MAGI2: variants seen among roughly 807,000 people sequenced by gnomAD.
The protein encoded by MAGI2 is membrane-associated guanylate kinase, WW and PDZ domain-containing protein 2.
Under a neutral mutation model 133.3 loss-of-function variants are expected in MAGI2, and 35 were observed. That is an observed-to-expected ratio of 0.26 (90% CI 0.20 to 0.35). The LOEUF (loss-of-function observed/expected upper bound fraction) is 0.35, where lower values mean the gene tolerates loss of function less well. Ranked by LOEUF, MAGI2 falls within the 10% of genes least tolerant of loss-of-function variation. The probability of loss-of-function intolerance (pLI) is 1.00; values close to 1 mark genes in which losing one functional copy is unlikely to be tolerated. For synonymous variants in MAGI2, 729 were observed against 710.6 expected (o/e 1.03, Z -0.41); for missense variants, 1,636 against 1,863.4 (o/e 0.88, Z 2.25).
chr7:78,368,640 C>T (rs935637145), intron 7 of MAGI2, among the ~76,000 whole-genome samples: 1 of 151,734 alleles, frequency 6.6e-6, no homozygotes, highest in African/African-American at 2.4e-5. Context: ...TAATTCATAC[C>T]ATGACAAATT....
intron 1 of MAGI2, among the ~76,000 whole-genome samples, chr7:79,318,749 G>A (rs906185416): frequency 6.6e-6 from 1 of 152,040 alleles, no homozygotes; most frequent in Non-Finnish European, 1.5e-5. Context: ...TTTCTCACAC[G>A]ACGTTGAAAA....
chr7:78,741,714 A>G (rs896169262), intron 2 of MAGI2, among the ~76,000 whole-genome samples: 1 of 152,090 alleles, frequency 6.6e-6, no homozygotes, highest in African/African-American at 2.4e-5. Context: ...TGCCTTATTT[A>G]TATCAACTGT....
intron 1 of MAGI2, among the ~76,000 whole-genome samples, chr7:79,014,729 A>G (rs1808516015): frequency 6.6e-6 from 1 of 152,126 alleles, no homozygotes; most frequent in Non-Finnish European, 1.5e-5. Flanking sequence ...AGGTTAATAA[A>G]CCTCATAGGT....
intron 6 of MAGI2, among the ~76,000 whole-genome samples, chr7:78,467,343 C>T (rs1284749191): frequency 6.6e-6 from 1 of 152,030 alleles, no homozygotes; most frequent in East Asian, 1.9e-4. Context: ...GCATGGCTGT[C>T]CCTGGTGAAA....
chr7:79,353,362 G>T, intron 1 of MAGI2: 5 of 433,074 alleles, frequency 1.2e-5, no homozygotes, highest in Admixed American at 2.4e-5. Context: ...AGTCATGGAG[G>T]AAGCCTTGCT....
chr7:78,344,571 CTT>C (rs1790708970), intron 8 of MAGI2, among the ~76,000 whole-genome samples: 1 of 152,084 alleles, frequency 6.6e-6, no homozygotes, highest in Non-Finnish European at 1.5e-5. Flanking sequence ...GTGGAACTGA[CTT>C]TTGTTTACAC....
At chr7:79,142,701 TC>T (rs1337153038) in intron 1 of MAGI2, among the ~76,000 whole-genome samples, 2 of 151,904 alleles carry the variant, frequency 1.3e-5, no homozygotes, top group Admixed American at 1.3e-4. Flanking sequence ...ACCTGAAGAG[TC>T]TGTTATTTTA....
rs113306362 is a variant in MAGI2, at chr7:78,289,074, C to G, written c.1409-32493G>C. Among the ~76,000 whole-genome samples, 517 of 152,246 alleles carry G rather than the reference C, an allele frequency of 3.4e-3. 5 individuals carry two copies. The highest frequency in any genetic ancestry group is 0.012 in the African/African-American group (490 of 41,540). On this transcript the variant is annotated intron_variant, in intron 9 of 21. Coordinates refer to ENST00000354212, the MANE Select transcript of MAGI2 (RefSeq NM_012301.4). ...CCTCCAAAGGAACGCAGCTCCTCAC[C>G]AGCAAAGGAACAAAGTTGGATGGAG...
chr7:78,180,515 G>C (rs1827089137), intron 13 of MAGI2, among the ~76,000 whole-genome samples: 2 of 152,132 alleles, frequency 1.3e-5, no homozygotes, highest in South Asian at 2.1e-4. Flanking sequence ...TTCTTTTTAG[G>C]AGAAAAATCT....
intron 6 of MAGI2, among the ~76,000 whole-genome samples, chr7:78,476,355 TA>T (rs1401671892): frequency 6.6e-6 from 1 of 151,844 alleles, no homozygotes; most frequent in African/African-American, 2.4e-5. Flanking sequence ...GAATATAAAT[TA>T]GAAAAAGTTG....
chr7:78,819,070 T>G (rs1316273257), intron 2 of MAGI2, among the ~76,000 whole-genome samples: 2 of 152,158 alleles, frequency 1.3e-5, no homozygotes, highest in Admixed American at 1.3e-4. Context: ...AAAAGTGTGG[T>G]GAAAAATTCA....
chr7:78,829,528 C>T lies in MAGI2; in HGVS notation c.418+177562G>A, dbSNP rs937812956. On this transcript the variant is annotated intron_variant, in intron 2 of 21. Coordinates refer to ENST00000354212, the MANE Select transcript of MAGI2 (RefSeq NM_012301.4). ...ATTCCATAAACTATTGATTATTCATCAATTTATATATGTATACTAAATGAT... is the reference window on the plus strand; with the variant it reads ...ATTCCATAAACTATTGATTATTCATTAATTTATATATGTATACTAAATGAT... 3.5e-4 allele frequency among the ~76,000 whole-genome samples: 53 copies of T among 152,058 alleles called. No individual in the cohort carries two copies. In the Middle Eastern group the frequency reaches 0.014, roughly 39 times the overall value.
At chr7:79,267,381 AC>A (rs1834551942) in intron 1 of MAGI2, among the ~76,000 whole-genome samples, 1 of 152,214 alleles carries the variant, frequency 6.6e-6, no homozygotes, top group South Asian at 2.1e-4. Flanking sequence ...GGCCTCTCTG[AC>A]CCAGCCTCTT....
chr7:79,173,915 T>C lies in MAGI2; in HGVS notation c.302-166709A>G, dbSNP rs115000439. 9.5e-3 allele frequency among the ~76,000 whole-genome samples: 1,441 copies of C among 152,144 alleles called. 20 individuals carry two copies. The highest frequency in any genetic ancestry group is 0.033 in the African/African-American group (1,378 of 41,514). On this transcript the variant is annotated intron_variant, in intron 1 of 21. Transcript: ENST00000354212. ...GATCACCAGAGAAGAATTCAGTGTG[T>C]CATATTTTCCAGAAAGAACCATTAA...
At chr7:78,815,666 C>A (rs563346315) in intron 2 of MAGI2, among the ~76,000 whole-genome samples, 4 of 152,084 alleles carry the variant, frequency 2.6e-5, no homozygotes, top group African/African-American at 4.8e-5. Flanking sequence ...ATATTTGTCA[C>A]GGTGATCTGT....
chr7:78,914,016 C>T (rs1798606090), intron 2 of MAGI2, among the ~76,000 whole-genome samples: 1 of 152,064 alleles, frequency 6.6e-6, no homozygotes, highest in Admixed American at 6.6e-5. Flanking sequence ...ATCACTTATT[C>T]CAAGTATATT....
intron 2 of MAGI2, among the ~76,000 whole-genome samples, chr7:78,934,625 G>A (rs142797199): frequency 1.6e-4 from 25 of 152,078 alleles, no homozygotes; most frequent in Non-Finnish European, 3.1e-4. Flanking sequence ...TAAAAATATC[G>A]TATAAAATTA....
chr7:78,109,278 T>A (rs1029938927), intron 20 of MAGI2, among the ~76,000 whole-genome samples: 1 of 104,340 alleles, frequency 9.6e-6, no homozygotes, highest in African/African-American at 3.9e-5. Context: ...CAGTCCAGCC[T>A]GGGCGACAGA....
At chr7:78,230,550 T>G (rs949528931) in intron 10 of MAGI2, among the ~76,000 whole-genome samples, 8 of 152,230 alleles carry the variant, frequency 5.3e-5, no homozygotes, top group African/African-American at 1.7e-4. Flanking sequence ...TCTATCATTC[T>G]GATACCTGTT....
Sources: gnomAD v4.1 joint callset for allele counts (sites outside exome capture counted in the v4.1 genomes callset) on GRCh38, gnomAD v4.1.1 for gene constraint, MANE v1.5 for transcripts, NCBI Gene and HGNC (gene_info 2026-07-23, HGNC 2026-07-21) for gene names.